Variants in IL6ST observed in about 807,000 individuals in gnomAD.
IL6ST encodes interleukin 6 cytokine family signal transducer, also known as interleukin-6 receptor subunit beta.
IL6ST carries 24 observed loss-of-function variants against 91.3 expected under a neutral mutation model. The observed-to-expected ratio is 0.26, with a 90% CI of 0.19 to 0.37. The LOEUF is 0.37. Among genes scored for constraint, IL6ST ranks in the 10% least tolerant of loss-of-function variants. The probability of loss-of-function intolerance (pLI) is 1.00; values close to 1 mark genes in which losing one functional copy is unlikely to be tolerated. For missense variants in IL6ST, 914 were observed against 1,078.5 expected, an observed-to-expected ratio of 0.85 and a Z score of 2.14; for synonymous variants, 351 against 373.6, an observed-to-expected ratio of 0.94 and a Z score of 0.70.
chr5:55,982,671 TG>T, intron 2 of IL6ST, 52 bp downstream of exon 2: 1 of 397,700 alleles, frequency 2.5e-6, no homozygotes. Context: ...GATTATTTAT[TG>T]GAACTTTGTA....
intron 3 of IL6ST, among the ~76,000 whole-genome samples, chr5:55,973,322 TC>T (rs1353050359): frequency 6.6e-6 from 1 of 152,112 alleles, no homozygotes; most frequent in African/African-American, 2.4e-5. Context: ...GGACTGCATT[TC>T]CCCCAACCAC....
At chr5:55,983,046 C>T (rs1289343334) in intron 1 of IL6ST, among the ~76,000 whole-genome samples, 1 of 150,114 alleles carries the variant, frequency 6.7e-6, no homozygotes, top group African/African-American at 2.5e-5. Context: ...CATCACCAGG[C>T]TGCAGTGCAG....
chr5:55,977,858 T>A (rs983413897), intron 2 of IL6ST, among the ~76,000 whole-genome samples: 1 of 149,764 alleles, frequency 6.7e-6, no homozygotes. Context: ...ACACGCCAGG[T>A]GTGGTGGTGT....
At chr5:55,955,137 GGTAAA>G in intron 10 of IL6ST, 145 bp from the exon 11 acceptor site, 1 of 613,570 alleles carries the variant, frequency 1.6e-6, no homozygotes, top group South Asian at 2.3e-5. Flanking sequence ...ATAACTTACA[GGTAAA>G]GTAGTCAATT....
At chr5:55,957,361 C>A (rs998402476) in intron 8 of IL6ST, 70 bp from the exon 9 acceptor site, 15 of 800,988 alleles carry the variant, frequency 1.9e-5, no homozygotes, top group African/African-American at 3.6e-5. Context: ...GCAAATTATT[C>A]TTTTACTTTG....
intron 14 of IL6ST, among the ~76,000 whole-genome samples, chr5:55,948,486 C>T (rs1351438676): frequency 6.6e-6 from 1 of 151,708 alleles, no homozygotes; most frequent in Non-Finnish European, 1.5e-5. Flanking sequence ...CAGTTAAATG[C>T]TTGAGAATAA....
rs1206579970 is a variant in IL6ST, at chr5:55,938,830, T to A, written c.*2252A>T. 4.9e-6 allele frequency: 1 copy of A among 202,142 alleles called. No homozygotes were observed. Among genetic ancestry groups the A allele is most frequent in the Non-Finnish European group, 1.0e-5 (1 of 98,264 alleles). The allele number at this position is 202,142 out of a possible 1,614,324, so 12.5% of individuals were successfully genotyped here. ...CTCAAATATATGTTCATTTCCAGAA[T>A]GAATTTTTGCACAGTAATCATATAT... On this transcript the variant is annotated 3_prime_UTR_variant, in exon 17 of 17. Transcript: ENST00000381298.
intron 16 of IL6ST, 116 bp downstream of exon 16, chr5:55,942,554 A>T: frequency 1.8e-6 from 1 of 544,470 alleles, no homozygotes; most frequent in Non-Finnish European, 3.3e-6. Flanking sequence ...TTCAGCTTGA[A>T]TATCTTATCT....
intron 14 of IL6ST, among the ~76,000 whole-genome samples, chr5:55,951,069 C>T (rs1439391285): frequency 1.3e-5 from 2 of 152,042 alleles, no homozygotes; most frequent in Non-Finnish European, 2.9e-5. Context: ...GGTAGGACCC[C>T]TAATTTCAGT....
chr5:55,956,213 T>G lies in IL6ST; in HGVS notation c.1079A>C (p.Asn360Thr), dbSNP rs769896251. ...CACTTCATAATCCAAGATTTTTCCA[T>G]TGGCTTCAAAAGGAGGCAATGTCTG... ...VWKTLPPFEA[N>T]GKILDYEVTL... The change falls in exon 10 of 17, where the codon AAT becomes ACT. Residue 360 changes from asparagine to threonine, a missense_variant. Physicochemically the swap from Asn to Thr is moderately conservative, Grantham distance 65 (BLOSUM62 0). Transcript: ENST00000381298. 1.2e-6 allele frequency: 2 copies of G among 1,606,084 alleles called. No individual in the cohort carries two copies. The highest frequency in any genetic ancestry group is 1.7e-6 in the Non-Finnish European group (2 of 1,172,920).
intron 15 of IL6ST, among the ~76,000 whole-genome samples, chr5:55,946,548 A>C (rs1024846341): frequency 6.6e-6 from 1 of 152,060 alleles, no homozygotes; most frequent in Non-Finnish European, 1.5e-5. Context: ...AGGTGTGGTG[A>C]CTCATGCCTG....
chr5:55,943,508 A>G (rs1751048223), intron 15 of IL6ST, among the ~76,000 whole-genome samples: 1 of 152,244 alleles, frequency 6.6e-6, no homozygotes, highest in African/African-American at 2.4e-5. Context: ...GATAAGGCAC[A>G]TAAAGACAGA....
chr5:55,946,678 A>G (rs1480505879), intron 15 of IL6ST, among the ~76,000 whole-genome samples: 3 of 151,744 alleles, frequency 2.0e-5, no homozygotes, highest in African/African-American at 7.3e-5. Context: ...TTAGCTGGGC[A>G]TGGTGGCAAG....
chr5:55,976,129 T>A, intron 3 of IL6ST, 86 bp downstream of exon 3: 1 of 536,254 alleles, frequency 1.9e-6, no homozygotes, highest in Non-Finnish European at 3.1e-6. Context: ...ACATAATAAT[T>A]AAACATAAGC....
At chr5:55,947,685 T>C (rs1202558102) in intron 14 of IL6ST, 96 bp from the exon 15 acceptor site, 1 of 696,278 alleles carries the variant, frequency 1.4e-6, no homozygotes, top group East Asian at 2.7e-5. Context: ...CAACCAGACT[T>C]ACTGTTGAAA....
chr5:55,960,891 A>G (rs751012676), intron 7 of IL6ST, among the ~76,000 whole-genome samples: 2 of 152,104 alleles, frequency 1.3e-5, no homozygotes, highest in African/African-American at 2.4e-5. Flanking sequence ...TCGGCCTCCC[A>G]AAGTGCCAGG....
At chr5:55,964,728 C>T (rs567219761) in intron 5 of IL6ST, among the ~76,000 whole-genome samples, 1 of 152,072 alleles carries the variant, frequency 6.6e-6, no homozygotes, top group African/African-American at 2.4e-5. Flanking sequence ...ACCCCTTAGC[C>T]TTTAGTCTTA....
intron 15 of IL6ST, among the ~76,000 whole-genome samples, chr5:55,947,172 C>T (rs1434038890): frequency 6.6e-6 from 1 of 152,130 alleles, no homozygotes; most frequent in Non-Finnish European, 1.5e-5. Flanking sequence ...GCACTCCATC[C>T]TGGGCAACAA....
intron 1 of IL6ST, among the ~76,000 whole-genome samples, chr5:55,983,302 A>C (rs1753769585): frequency 6.6e-6 from 1 of 152,164 alleles, no homozygotes; most frequent in Non-Finnish European, 1.5e-5. Flanking sequence ...CTATGATTTG[A>C]TATACGCTTG....
Sources: gnomAD v4.1 joint callset for allele counts (sites outside exome capture counted in the v4.1 genomes callset) on GRCh38, gnomAD v4.1.1 for gene constraint, MANE v1.5 for transcripts, NCBI Gene and HGNC (gene_info 2026-07-23, HGNC 2026-07-21) for gene names.